SIK3: variants seen among roughly 807,000 people sequenced by gnomAD.
The protein encoded by SIK3 is serine/threonine-protein kinase SIK3.
Under a neutral mutation model 144.2 loss-of-function variants are expected in SIK3, and 28 were observed. The ratio of observed to expected loss-of-function variants is 0.19; its 90% CI spans 0.14 to 0.27. The LOEUF is 0.27. Ranked by LOEUF, SIK3 falls within the 10% of genes least tolerant of loss-of-function variation. The pLI, the probability that SIK3 is intolerant of heterozygous loss-of-function variation, is 1.00. For missense variants in SIK3, 1,319 were observed against 1,776.0 expected (o/e 0.74, Z 4.62); for synonymous variants, 686 against 676.3 (o/e 1.01, Z -0.22).
intron 1 of SIK3, among the ~76,000 whole-genome samples, chr11:116,982,663 G>A (rs1046696530): frequency 3.3e-5 from 5 of 150,494 alleles, no homozygotes; most frequent in African/African-American, 1.2e-4. Context: ...ACCTTTCCTA[G>A]CCTCATTTAA....
intron 1 of SIK3, among the ~76,000 whole-genome samples, chr11:117,016,359 A>G (rs1591541356): frequency 2.5e-5 from 2 of 78,632 alleles, no homozygotes; most frequent in Non-Finnish European, 2.3e-5. Flanking sequence ...GGAGGGAGGG[A>G]GGGAGGGAAG....
intron 1 of SIK3, among the ~76,000 whole-genome samples, chr11:117,066,296 G>A (rs1316791110): frequency 6.6e-6 from 1 of 151,784 alleles, no homozygotes; most frequent in African/African-American, 2.4e-5. Flanking sequence ...TCAAACTCCT[G>A]ACCTTAAGTG....
chr11:116,922,180 T>C (rs1270486842), intron 4 of SIK3, among the ~76,000 whole-genome samples: 1 of 152,204 alleles, frequency 6.6e-6, no homozygotes, highest in Non-Finnish European at 1.5e-5. Flanking sequence ...GTATGGACAG[T>C]TGTGATAGCT....
intron 1 of SIK3, among the ~76,000 whole-genome samples, chr11:116,980,274 A>T (rs942198490): frequency 6.6e-6 from 1 of 152,192 alleles, no homozygotes; most frequent in Non-Finnish European, 1.5e-5. Context: ...GGGGTGTCCA[A>T]GGGAGGGAAC....
intron 6 of SIK3, among the ~76,000 whole-genome samples, chr11:116,885,637 AC>A (rs1944774621): frequency 6.6e-6 from 1 of 152,090 alleles, no homozygotes; most frequent in African/African-American, 2.4e-5. Flanking sequence ...AGTTCCTGCT[AC>A]TCGTTTTTCA....
At chr11:116,948,244 T>C (rs1429845982) in intron 3 of SIK3, among the ~76,000 whole-genome samples, 1 of 152,062 alleles carries the variant, frequency 6.6e-6, no homozygotes, top group Admixed American at 6.6e-5. Context: ...AGCTGATTTG[T>C]TGATGTATAG....
chr11:116,995,971 T>G (rs1950651416), intron 1 of SIK3, among the ~76,000 whole-genome samples: 1 of 152,038 alleles, frequency 6.6e-6, no homozygotes, highest in Non-Finnish European at 1.5e-5. Context: ...GACAACATAG[T>G]GAGACTTCAT....
intron 1 of SIK3, among the ~76,000 whole-genome samples, chr11:116,990,852 T>TC (rs1950477302): frequency 6.6e-6 from 1 of 152,194 alleles, no homozygotes; most frequent in Admixed American, 6.5e-5. Context: ...CAAGGTCTCC[T>TC]CCCCTCCACC....
chr11:117,089,577 TTTC>T (rs1448818490), intron 1 of SIK3, among the ~76,000 whole-genome samples: 1 of 152,146 alleles, frequency 6.6e-6, no homozygotes, highest in Non-Finnish European at 1.5e-5. Flanking sequence ...GAATAAAAAA[TTTC>T]TTCTCCAAAA....
At chr11:116,944,878 CT>C (rs1230063250) in intron 3 of SIK3, among the ~76,000 whole-genome samples, 4 of 152,120 alleles carry the variant, frequency 2.6e-5, no homozygotes, top group African/African-American at 9.7e-5. Context: ...TGGCCTAAAA[CT>C]TTTCATAATA....
intron 1 of SIK3, among the ~76,000 whole-genome samples, chr11:117,075,085 G>C (rs1383388760): frequency 6.6e-6 from 1 of 152,066 alleles, no homozygotes; most frequent in Non-Finnish European, 1.5e-5. Context: ...TGTGTTAAAA[G>C]AGGAAATAAG....
intron 1 of SIK3, among the ~76,000 whole-genome samples, chr11:116,991,920 T>C (rs1328153194): frequency 1.3e-5 from 2 of 152,136 alleles, no homozygotes; most frequent in Non-Finnish European, 2.9e-5. Flanking sequence ...TTCTAACTCA[T>C]AGCATACATA....
intron 1 of SIK3, among the ~76,000 whole-genome samples, chr11:116,977,386 T>C (rs1949984694): frequency 1.3e-5 from 2 of 152,094 alleles, no homozygotes; most frequent in African/African-American, 2.4e-5. Flanking sequence ...CAGCCAGAAA[T>C]TTCTTAGGTG....
At chr11:116,890,858 T>C (rs1945063039) in intron 6 of SIK3, among the ~76,000 whole-genome samples, 1 of 152,040 alleles carries the variant, frequency 6.6e-6, no homozygotes, top group Non-Finnish European at 1.5e-5. Flanking sequence ...GAGTGGGAGC[T>C]GGGGCTGAAG....
chr11:116,915,539 C>T (rs559569717), intron 4 of SIK3, among the ~76,000 whole-genome samples: 2 of 151,708 alleles, frequency 1.3e-5, no homozygotes, highest in East Asian at 3.9e-4. Flanking sequence ...GTCTTTATTC[C>T]CAATAAATCA....
intron 3 of SIK3, among the ~76,000 whole-genome samples, chr11:116,948,506 G>C (rs1451840226): frequency 2.0e-5 from 3 of 151,668 alleles, no homozygotes; most frequent in African/African-American, 7.3e-5. Flanking sequence ...TGAACTCCTG[G>C]GCTAAAGCAA....
chr11:117,018,149 C>T (rs926190877), intron 1 of SIK3, among the ~76,000 whole-genome samples: 3 of 152,034 alleles, frequency 2.0e-5, no homozygotes, highest in Non-Finnish European at 2.9e-5. Context: ...AGTTGTCCCT[C>T]GGTATACTGG....
At chr11:117,037,034 T>C (rs1167240853) in intron 1 of SIK3, among the ~76,000 whole-genome samples, 1 of 152,198 alleles carries the variant, frequency 6.6e-6, no homozygotes, top group African/African-American at 2.4e-5. Context: ...TTTCTATCTT[T>C]AAAATATTTG....
intron 16 of SIK3, 47 bp downstream of exon 16, chr11:116,863,619 CCT>C (rs1277211117): frequency 7.4e-6 from 12 of 1,611,800 alleles, no homozygotes; most frequent in Non-Finnish European, 1.0e-5. Context: ...GCAATCCTGG[CCT>C]CTGTCACCCA....
Sources: gnomAD v4.1 joint callset for allele counts (sites outside exome capture counted in the v4.1 genomes callset) on GRCh38, gnomAD v4.1.1 for gene constraint, MANE v1.5 for transcripts, NCBI Gene and HGNC (gene_info 2026-07-23, HGNC 2026-07-21) for gene names.